Variants in GRIA3 observed in about 807,000 individuals in gnomAD.
GRIA3 encodes glutamate receptor 3.
GRIA3 carries 3 observed loss-of-function variants against 63.0 expected under a neutral mutation model. The observed-to-expected ratio is 0.05, with a 90% CI of 0.02 to 0.12. The LOEUF (loss-of-function observed/expected upper bound fraction) is 0.12, where lower values mean the gene tolerates loss of function less well. Among genes scored for constraint, GRIA3 ranks in the 10% least tolerant of loss-of-function variants. GRIA3 has a pLI of 1.00. For missense variants in GRIA3, 347 were observed against 700.9 expected (o/e 0.50, Z 5.70); for synonymous variants, 274 against 257.9 (o/e 1.06, Z -0.60).
At chrX:123,251,601 A>G (rs866248435) in intron 2 of GRIA3, among the ~76,000 whole-genome samples, 4 of 107,417 alleles carry the variant, frequency 3.7e-5, no homozygotes, top group African/African-American at 7.3e-5. Context: ...ATGCCCAGCT[A>G]ATTTTCGTAT....
chrX:123,464,557 T>C lies in GRIA3; in HGVS notation c.2077-308T>C, dbSNP rs779113609. ...GGAAGGTTGAACTAACAAAGTGTTT[T>C]TCAAATAAGATTGCAACCAATTAGT... On this transcript the variant is annotated intron_variant, in intron 12 of 15. Transcript: ENST00000620443. Among the ~76,000 whole-genome samples, 7 of 111,606 alleles carry C rather than the reference T, an allele frequency of 6.3e-5. No homozygotes were observed. The East Asian group carries it at 2.0e-3, about 32-fold the overall frequency.
intron 10 of GRIA3, among the ~76,000 whole-genome samples, chrX:123,409,460 G>T (rs926222530): frequency 4.5e-5 from 5 of 111,724 alleles, no homozygotes; most frequent in African/African-American, 1.6e-4. Flanking sequence ...TCTCTAAGAA[G>T]GCTATTTTTG....
At chrX:123,405,176 TA>T (rs1424094574) in intron 10 of GRIA3, among the ~76,000 whole-genome samples, 1 of 112,174 alleles carries the variant, frequency 8.9e-6, no homozygotes, top group Non-Finnish European at 1.9e-5. Context: ...GCCCTCTATT[TA>T]AAATCTGTTC....
intron 3 of GRIA3, among the ~76,000 whole-genome samples, chrX:123,298,820 G>C (rs1357997057): frequency 4.5e-5 from 5 of 111,386 alleles, no homozygotes; most frequent in Non-Finnish European, 7.6e-5. Flanking sequence ...CCTATGTTCT[G>C]AATGCTATTT....
At chrX:123,259,887 C>T (rs1190185402) in intron 3 of GRIA3, among the ~76,000 whole-genome samples, 1 of 111,755 alleles carries the variant, frequency 8.9e-6, no homozygotes, top group South Asian at 3.8e-4. Context: ...TTCCCTTCAG[C>T]CATTCTTCAA....
intron 3 of GRIA3, among the ~76,000 whole-genome samples, chrX:123,324,277 A>T: frequency 8.9e-6 from 1 of 112,425 alleles, no homozygotes; most frequent in Non-Finnish European, 1.9e-5. Context: ...CCTTTAAAAA[A>T]GTTTACTTTA....
At chrX:123,247,747 G>A (rs182541978) in intron 2 of GRIA3, among the ~76,000 whole-genome samples, 227 of 110,932 alleles carry the variant, frequency 2.0e-3, no homozygotes, top group African/African-American at 6.9e-3. Context: ...GACTAGGAAA[G>A]AAGAAATGGA....
intron 4 of GRIA3, among the ~76,000 whole-genome samples, chrX:123,345,747 T>A (rs1199465289): frequency 9.0e-6 from 1 of 110,765 alleles, no homozygotes; most frequent in Non-Finnish European, 1.9e-5. Flanking sequence ...CCTCTGCACC[T>A]GAGTAATGAT....
chrX:123,467,148 A>C (rs636529), intron 13 of GRIA3, among the ~76,000 whole-genome samples: 7,867 of 111,914 alleles, frequency 0.07, 630 homozygotes, highest in African/African-American at 0.23. Context: ...GTATTCCAAA[A>C]AAGAAGACTG....
intron 12 of GRIA3, among the ~76,000 whole-genome samples, chrX:123,464,445 T>G (rs1243823324): frequency 2.7e-5 from 3 of 111,974 alleles, no homozygotes; most frequent in Non-Finnish European, 5.6e-5. Flanking sequence ...AGCTGTACAC[T>G]ACCTTATAAT....
chrX:123,368,490 C>T (rs1190404203), intron 5 of GRIA3, among the ~76,000 whole-genome samples: 1 of 111,178 alleles, frequency 9.0e-6, no homozygotes, highest in East Asian at 2.8e-4. Flanking sequence ...AAACCAGGGA[C>T]TCTAAATTCT....
At chrX:123,354,797 G>A (rs977625203) in intron 4 of GRIA3, 113 bp from the exon 5 acceptor site, 8 of 578,160 alleles carry the variant, frequency 1.4e-5, no homozygotes, top group African/African-American at 4.5e-5. Flanking sequence ...CCAATTAACT[G>A]TGATTTTCCT....
intron 11 of GRIA3, among the ~76,000 whole-genome samples, chrX:123,418,435 G>C (rs1221815712): frequency 3.6e-5 from 4 of 110,941 alleles, no homozygotes; most frequent in Admixed American, 9.6e-5. Context: ...TCAAAACCTT[G>C]CATTTAAAAA....
chrX:123,380,413 T>C (rs1361473779), intron 5 of GRIA3, among the ~76,000 whole-genome samples: 1 of 112,214 alleles, frequency 8.9e-6, no homozygotes, highest in African/African-American at 3.2e-5. Flanking sequence ...AGCATTTTTT[T>C]CATGTGTCTT....
At chrX:123,195,628 A>G (rs1042672604) in intron 2 of GRIA3, among the ~76,000 whole-genome samples, 21 of 111,587 alleles carry the variant, frequency 1.9e-4, no homozygotes, top group African/African-American at 5.2e-4. Context: ...TTAAACCACT[A>G]TGGGACAAAC....
intron 3 of GRIA3, among the ~76,000 whole-genome samples, chrX:123,269,214 T>C (rs771739430): frequency 8.9e-6 from 1 of 112,168 alleles, no homozygotes; most frequent in African/African-American, 3.2e-5. Context: ...CTGGGCCATA[T>C]TGTGACGAGA....
rs373419006 is a variant in GRIA3, at chrX:123,427,938, T to C, written c.1878-3T>C. 25 of 1,185,850 alleles carry C rather than the reference T, an allele frequency of 2.1e-5. No individual in the cohort carries two copies. The African/African-American group carries it at 3.7e-4, about 18-fold the overall frequency. On this transcript the variant is annotated splice_region_variant and splice_polypyrimidine_tract_variant and intron_variant, in intron 11 of 15. Coordinates refer to ENST00000620443, the MANE Select transcript of GRIA3 (RefSeq NM_007325.5). The stretch of plus-strand genomic sequence containing the variant: ...CTGGATTTGTTTTTGTTTTGTTTTA[T>C]AGATCACTCTCCGGGCGCATTGTTG...
intron 2 of GRIA3, among the ~76,000 whole-genome samples, chrX:123,191,710 T>C (rs1287145530): frequency 9.0e-6 from 1 of 111,098 alleles, no homozygotes; most frequent in Non-Finnish European, 1.9e-5. Flanking sequence ...TTTCCAGACC[T>C]AATTCCCAGA....
chrX:123,245,732 G>C (rs565737746), intron 2 of GRIA3, among the ~76,000 whole-genome samples: 69 of 112,071 alleles, frequency 6.2e-4, no homozygotes, highest in African/African-American at 1.9e-3. Flanking sequence ...CATCGAACTT[G>C]AGAGAGCAGT....
Sources: allele counts gnomAD v4.1 joint callset (sites outside exome capture counted in the v4.1 genomes callset), GRCh38; gene constraint gnomAD v4.1.1; transcripts MANE v1.5; gene names NCBI Gene and HGNC (gene_info 2026-07-23, HGNC 2026-07-21).